Variants in PLXNA4 observed in about 807,000 individuals in gnomAD.
PLXNA4 encodes plexin-A4.
In PLXNA4, 44 loss-of-function variants were observed where a neutral mutation model predicts 191.8. The observed-to-expected ratio is 0.23, with a 90% CI of 0.18 to 0.29. The LOEUF (loss-of-function observed/expected upper bound fraction) is 0.29. Among genes scored for constraint, PLXNA4 ranks in the 10% least tolerant of loss-of-function variants. PLXNA4 has a pLI of 1.00. For missense variants in PLXNA4, 1,800 were observed against 2,488.8 expected (o/e 0.72, Z 5.89); for synonymous variants, 1,082 against 1,009.5 (o/e 1.07, Z -1.36).
intron 3 of PLXNA4, among the ~76,000 whole-genome samples, chr7:132,354,238 G>C (rs1803610691): frequency 6.6e-6 from 1 of 152,142 alleles, no homozygotes; most frequent in Admixed American, 6.5e-5. Context: ...TGCATATTAA[G>C]GGGTTTAAAT....
chr7:132,188,552 G>T lies in PLXNA4; in HGVS notation c.2857-945C>A, dbSNP rs931057516. Among the ~76,000 whole-genome samples the T allele has an allele frequency of 5.3e-5, 8 of 152,190 alleles. No homozygotes were observed. In the East Asian group the frequency reaches 1.4e-3, roughly 26 times the overall value. ...AGCTTCCCTATCACCTGGCACATGCGCCTCCAGGTCCAGGATCAGGGCACA... is the reference window on the plus strand; with the variant it reads ...AGCTTCCCTATCACCTGGCACATGCTCCTCCAGGTCCAGGATCAGGGCACA... On this transcript the variant is annotated intron_variant, in intron 14 of 31. Coordinates refer to ENST00000321063, the MANE Select transcript of PLXNA4 (RefSeq NM_020911.2).
At chr7:132,459,066 T>C (rs147469589) in intron 3 of PLXNA4, among the ~76,000 whole-genome samples, 20 of 152,238 alleles carry the variant, frequency 1.3e-4, no homozygotes, top group Non-Finnish European at 2.4e-4. Flanking sequence ...TACACACATC[T>C]ACGTAGACCT....
intron 3 of PLXNA4, among the ~76,000 whole-genome samples, chr7:132,312,889 G>T (rs962484510): frequency 3.9e-5 from 6 of 152,156 alleles, no homozygotes; most frequent in Non-Finnish European, 7.3e-5. Flanking sequence ...TACATGAGGG[G>T]TCCATGGCTA....
chr7:132,375,619 G>C (rs1035568248), intron 3 of PLXNA4, among the ~76,000 whole-genome samples: 1 of 152,206 alleles, frequency 6.6e-6, no homozygotes, highest in Admixed American at 6.5e-5. Flanking sequence ...AGAGGACCCA[G>C]TAGCAGTCCA....
At chr7:132,393,228 C>T (rs1261555996) in intron 3 of PLXNA4, among the ~76,000 whole-genome samples, 3 of 147,460 alleles carry the variant, frequency 2.0e-5, no homozygotes, top group East Asian at 2.0e-4. Flanking sequence ...CCCAGCCCCA[C>T]CCACCCAAGA....
At chr7:132,563,770 TTCCTCCTCCTCTTCCTCCTCCTTC>T (rs1319211391) in intron 1 of PLXNA4, among the ~76,000 whole-genome samples, 732 of 44,174 alleles carry the variant, frequency 0.017, 43 homozygotes, top group African/African-American at 0.062. Context: ...CCTTTTCCTC[TTCCTCCTCCTCTTCCTCCTCCTTC>T]TCCTCCTCCT....
At chr7:132,494,427 G>A (rs1275001719) in intron 2 of PLXNA4, among the ~76,000 whole-genome samples, 3 of 152,178 alleles carry the variant, frequency 2.0e-5, no homozygotes, top group African/African-American at 7.2e-5. Context: ...GCTAAGGTTT[G>A]AGAAGCACTG....
At chr7:132,640,800 G>A (rs1042512327) in intron 2 of PLXNA4, among the ~76,000 whole-genome samples, 17 of 149,604 alleles carry the variant, frequency 1.1e-4, no homozygotes, top group Non-Finnish European at 2.1e-4. Flanking sequence ...GGGGGGCCCT[G>A]CCAATTAAAC....
intron 29 of PLXNA4, among the ~76,000 whole-genome samples, chr7:132,141,875 A>G (rs2671096): frequency 0.034 from 5,184 of 152,228 alleles, 288 homozygotes; most frequent in African/African-American, 0.12. Flanking sequence ...GACTACAAGC[A>G]GCCATCACCA....
chr7:132,323,039 T>G (rs1489513043), intron 3 of PLXNA4, among the ~76,000 whole-genome samples: 2 of 152,086 alleles, frequency 1.3e-5, no homozygotes, highest in Non-Finnish European at 2.9e-5. Context: ...TTAGCACAGA[T>G]GAAATACACT....
intron 3 of PLXNA4, among the ~76,000 whole-genome samples, chr7:132,304,579 A>G (rs1801435532): frequency 6.6e-6 from 1 of 152,214 alleles, no homozygotes; most frequent in Admixed American, 6.5e-5. Flanking sequence ...TGTTAAACTT[A>G]CAGCACAGCT....
chr7:132,211,453 G>A (rs1296748309), intron 9 of PLXNA4, among the ~76,000 whole-genome samples: 2 of 152,218 alleles, frequency 1.3e-5, no homozygotes, highest in Non-Finnish European at 2.9e-5. Flanking sequence ...TACCCTAGTA[G>A]AGACTGCCTC....
chr7:132,338,630 C>G (rs928851656), intron 3 of PLXNA4, among the ~76,000 whole-genome samples: 6 of 152,192 alleles, frequency 3.9e-5, no homozygotes, highest in African/African-American at 1.4e-4. Flanking sequence ...CAGATATCTT[C>G]TAATCTAGCC....
intron 3 of PLXNA4, among the ~76,000 whole-genome samples, chr7:132,440,034 T>C (rs1403786290): frequency 6.6e-6 from 1 of 151,980 alleles, no homozygotes; most frequent in African/African-American, 2.4e-5. Flanking sequence ...GTGATCTGTG[T>C]GGGCTTGTGC....
At chr7:132,629,154 A>G (rs1319702609) in intron 2 of PLXNA4, among the ~76,000 whole-genome samples, 1 of 152,226 alleles carries the variant, frequency 6.6e-6, no homozygotes, top group Non-Finnish European at 1.5e-5. Context: ...AGAGAGGAAT[A>G]CTTAGAACTC....
In PLXNA4 at chr7:132,396,399, G is replaced by T. The variant is rs147760798; in HGVS notation, c.1371+92893C>A. ...GCACTATTTTTATCCACACTTGATA[G>T]ATAAGGAAGCTAAGCCACAGAGAGG... On this transcript the variant is annotated intron_variant, in intron 3 of 31. Transcript: ENST00000321063. 7.9e-5 allele frequency among the ~76,000 whole-genome samples: 12 copies of T among 152,300 alleles called. No homozygotes were observed. The East Asian group carries it at 2.3e-3, about 29-fold the overall frequency.
intron 3 of PLXNA4, among the ~76,000 whole-genome samples, chr7:132,328,665 A>G (rs527985458): frequency 5.3e-5 from 8 of 152,350 alleles, no homozygotes; most frequent in Admixed American, 2.0e-4. Flanking sequence ...ACTGGAATGC[A>G]GAGCAGGAGA....
chr7:132,609,070 C>T (rs1308513032), intron 2 of PLXNA4, among the ~76,000 whole-genome samples: 1 of 152,196 alleles, frequency 6.6e-6, no homozygotes, highest in African/African-American at 2.4e-5. Flanking sequence ...AGGCCCAGCT[C>T]AGTGTCCACA....
At chr7:132,580,174 G>A (rs1467249202), upstream of PLXNA4, among the ~76,000 whole-genome samples, 2 of 152,134 alleles carry the variant, frequency 1.3e-5, no homozygotes, top group Non-Finnish European at 1.5e-5. Flanking sequence ...AATTAGAGTC[G>A]CTTTCCAGAT....
Sources: gnomAD v4.1 joint callset for allele counts (sites outside exome capture counted in the v4.1 genomes callset) on GRCh38, gnomAD v4.1.1 for gene constraint, MANE v1.5 for transcripts, NCBI Gene and HGNC (gene_info 2026-07-23, HGNC 2026-07-21) for gene names.